The following CLEC16A variants were observed in gnomAD, a reference collection of about 807,000 sequenced individuals.
The protein encoded by CLEC16A is C-type lectin domain containing 16A.
In CLEC16A, 51 loss-of-function variants were observed where a neutral mutation model predicts 109.5. That is an observed-to-expected ratio of 0.47 (90% CI 0.37 to 0.59). CLEC16A has a LOEUF of 0.59. Among genes scored for constraint, CLEC16A ranks in the 20% least tolerant of loss-of-function variants. The probability of loss-of-function intolerance (pLI) is 0.00; values close to 1 mark genes in which losing one functional copy is unlikely to be tolerated. For missense variants in CLEC16A, 1,339 were observed against 1,394.0 expected, an observed-to-expected ratio of 0.96 and a Z score of 0.63; for synonymous variants, 673 against 564.2, an observed-to-expected ratio of 1.19 and a Z score of -2.73.
intron 10 of CLEC16A, among the ~76,000 whole-genome samples, chr16:10,994,983 G>T (rs938734595): frequency 2.6e-5 from 4 of 152,196 alleles, no homozygotes; most frequent in African/African-American, 9.7e-5. Context: ...GTTTATTCCT[G>T]GGTTCAAATC....
At chr16:10,983,696 A>G (rs182532050) in intron 10 of CLEC16A, among the ~76,000 whole-genome samples, 1 of 152,024 alleles carries the variant, frequency 6.6e-6, no homozygotes. Flanking sequence ...CTCTGCTGTC[A>G]TCTCTCAGAT....
chr16:11,085,333 G>T (rs2049952803), intron 19 of CLEC16A, among the ~76,000 whole-genome samples: 1 of 152,276 alleles, frequency 6.6e-6, no homozygotes, highest in Admixed American at 6.5e-5. Context: ...AACAGATGGC[G>T]GGATGGGTTA....
At chr16:11,026,645 GT>G (rs35679277) in intron 13 of CLEC16A, among the ~76,000 whole-genome samples, 36,869 of 106,230 alleles carry the variant, frequency 0.35, 4,389 homozygotes, top group African/African-American at 0.39. Flanking sequence ...TTTGTTTGGG[GT>G]TTTTTTTTTT....
At chr16:10,955,160 C>A (rs994170920) in intron 1 of CLEC16A, among the ~76,000 whole-genome samples, 2 of 152,222 alleles carry the variant, frequency 1.3e-5, no homozygotes, top group Non-Finnish European at 2.9e-5. Context: ...TGCCAGACTC[C>A]GAAGCCTGAC....
rs967186096 is a variant in CLEC16A at position 11,178,061 on chromosome 16, A to G, written c.2807-274A>G. 2.6e-5 allele frequency among the ~76,000 whole-genome samples: 4 copies of G among 152,298 alleles called. No homozygotes were observed. Among genetic ancestry groups the G allele is most frequent in the South Asian group, 2.1e-4 (1 of 4,828 alleles). ...CAGGAACTGTGCTTTCATAAGCCACATGCTGATTTTGCACAGGCCCTGAAT... is the reference window on the plus strand; with the variant it reads ...CAGGAACTGTGCTTTCATAAGCCACGTGCTGATTTTGCACAGGCCCTGAAT... On this transcript the variant is annotated intron_variant, in intron 23 of 23. Transcript: ENST00000409790. The surrounding 1 kb of genome is among the most constrained non-coding windows in gnomAD (Gnocchi z 6.5).
intron 19 of CLEC16A, among the ~76,000 whole-genome samples, chr16:11,078,667 G>A (rs1415565973): frequency 1.3e-5 from 2 of 152,194 alleles, no homozygotes; most frequent in East Asian, 1.9e-4. Context: ...AGTAGACCCC[G>A]TCGTTGAGCA....
intron 22 of CLEC16A, among the ~76,000 whole-genome samples, chr16:11,153,869 A>C (rs970449510): frequency 1.3e-5 from 2 of 152,166 alleles, no homozygotes; most frequent in Non-Finnish European, 2.9e-5. Flanking sequence ...AGCATTTGTG[A>C]GGAGGAACAA....
At chr16:11,095,197 T>C (rs1284440544) in intron 19 of CLEC16A, among the ~76,000 whole-genome samples, 1 of 152,106 alleles carries the variant, frequency 6.6e-6, no homozygotes, top group East Asian at 1.9e-4. Context: ...GGTAATGTTA[T>C]GGAACGTGGA....
At chr16:11,162,593 A>G (rs1218703769) in intron 22 of CLEC16A, among the ~76,000 whole-genome samples, 1 of 152,254 alleles carries the variant, frequency 6.6e-6, no homozygotes, top group Non-Finnish European at 1.5e-5. Context: ...AGGGGGAAAG[A>G]GAGCACAAAT....
chr16:11,003,449 C>T (rs2044793384), intron 11 of CLEC16A, 144 bp downstream of exon 11: 1 of 675,094 alleles, frequency 1.5e-6, no homozygotes, highest in Non-Finnish European at 2.6e-6. Context: ...ACTGGCGTAC[C>T]TCATTCTATA....
chr16:10,944,940 C>A (rs2041271081), intron 1 of CLEC16A, 143 bp downstream of exon 1: 3 of 764,930 alleles, frequency 3.9e-6, no homozygotes, highest in Non-Finnish European at 4.1e-6. Flanking sequence ...AGCGAGGGCT[C>A]GGGAGTCAGG....
At chr16:10,948,122 T>C (rs1048037602) in intron 1 of CLEC16A, among the ~76,000 whole-genome samples, 10 of 152,342 alleles carry the variant, frequency 6.6e-5, no homozygotes, top group African/African-American at 1.7e-4. Context: ...CTCGATCTCC[T>C]GACCTTGTGA....
intron 13 of CLEC16A, among the ~76,000 whole-genome samples, chr16:11,034,939 G>T (rs924266042): frequency 2.6e-5 from 4 of 152,118 alleles, no homozygotes; most frequent in African/African-American, 9.7e-5. Context: ...GTGTGTGTGT[G>T]TTTGTGTGTA....
chr16:11,126,387 G>T, intron 22 of CLEC16A: 1 of 1,437,426 alleles, frequency 7.0e-7, no homozygotes. Context: ...GTATGTGGAA[G>T]AACTTCTCAG....
chr16:11,116,668 G>A (rs191669721), intron 19 of CLEC16A, among the ~76,000 whole-genome samples: 1 of 152,272 alleles, frequency 6.6e-6, no homozygotes, highest in Admixed American at 6.5e-5. Flanking sequence ...TTTAGATCAG[G>A]ATGAAAACTG....
chr16:11,044,206 C>A, intron 16 of CLEC16A, 134 bp downstream of exon 16: 1 of 711,800 alleles, frequency 1.4e-6, no homozygotes, highest in Non-Finnish European at 2.1e-6. Flanking sequence ...AATAAAAATG[C>A]TCAATTTCAT....
chr16:11,042,170 A>G, intron 14 of CLEC16A, 84 bp from the exon 15 acceptor site: 2 of 985,986 alleles, frequency 2.0e-6, no homozygotes, highest in South Asian at 1.5e-5. Context: ...GTGACCTGCT[A>G]GCCTCAACGT....
intron 22 of CLEC16A, chr16:11,157,172 G>C (rs2054565052): frequency 7.9e-7 from 1 of 1,266,434 alleles, no homozygotes; most frequent in Non-Finnish European, 1.0e-6. Context: ...ATTTTTGTAT[G>C]TTGGACATGT....
At chr16:10,968,891 A>G (rs756602929) in intron 3 of CLEC16A, among the ~76,000 whole-genome samples, 1 of 152,168 alleles carries the variant, frequency 6.6e-6, no homozygotes, top group Non-Finnish European at 1.5e-5. Flanking sequence ...GCCATCAATG[A>G]AAAGAAAATG....
Sources: gnomAD v4.1 joint callset for allele counts (sites outside exome capture counted in the v4.1 genomes callset) on GRCh38, gnomAD v4.1.1 for gene constraint, Gnocchi (gnomAD v3.1) non-coding constraint, MANE v1.5 for transcripts, NCBI Gene and HGNC (gene_info 2026-07-23, HGNC 2026-07-21) for gene names.